Variants in NSUN6 observed in about 807,000 individuals in gnomAD.
NSUN6 encodes tRNA (cytosine(72)-C(5))-methyltransferase NSUN6.
NSUN6 carries 64 observed loss-of-function variants against 58.0 expected under a neutral mutation model. The ratio of observed to expected loss-of-function variants is 1.10; its 90% CI spans 0.90 to 1.36. The LOEUF is 1.36. Among genes scored for constraint, NSUN6 ranks in the 40% most tolerant of loss-of-function variants. NSUN6 has a pLI of 0.00. For synonymous variants in NSUN6, 231 were observed against 193.9 expected (o/e 1.19, Z -1.59); for missense variants, 701 against 550.1 (o/e 1.27, Z -2.74).
chr10:18,649,093 C>T (rs1267116381), intron 1 of NSUN6, among the ~76,000 whole-genome samples: 1 of 151,868 alleles, frequency 6.6e-6, no homozygotes, highest in Admixed American at 6.6e-5. Flanking sequence ...TTTAAAATAC[C>T]AATATTTAAA....
intron 8 of NSUN6, among the ~76,000 whole-genome samples, chr10:18,563,123 G>A (rs920351567): frequency 6.6e-5 from 10 of 151,026 alleles, no homozygotes; most frequent in African/African-American, 2.2e-4. Flanking sequence ...GAGTAGAATA[G>A]AATGGAGATT....
chr10:18,573,515 C>G (rs2056498065), intron 8 of NSUN6, among the ~76,000 whole-genome samples: 1 of 151,920 alleles, frequency 6.6e-6, no homozygotes, highest in Non-Finnish European at 1.5e-5. Flanking sequence ...CCATTCCATT[C>G]CGTTCTCCAT....
At chr10:18,567,266 T>C (rs566700134) in intron 8 of NSUN6, among the ~76,000 whole-genome samples, 3 of 151,582 alleles carry the variant, frequency 2.0e-5, no homozygotes, top group East Asian at 3.9e-4. Flanking sequence ...CTCCATTCTA[T>C]TCCATTCTCC....
chr10:18,623,763 A>T (rs1392952950), intron 3 of NSUN6, among the ~76,000 whole-genome samples: 2 of 152,246 alleles, frequency 1.3e-5, no homozygotes, highest in African/African-American at 4.8e-5. Flanking sequence ...ATCTAAGCAG[A>T]GATTAAATGA....
Position 18,651,256 on chromosome 10 carries a change from G to GCTT in NSUN6, c.-54_-53insAAG, listed in dbSNP as rs1554889363. 2.9e-6 allele frequency: 4 copies of GCTT among 1,360,794 alleles called. No individual in the cohort carries two copies. Among genetic ancestry groups the GCTT allele is most frequent in the Admixed American group, 2.9e-5 (1 of 34,994 alleles). 84.3% of individuals were successfully genotyped at this position (1,360,794 alleles called of 1,614,324 possible). ...GAGAAATGCTGGAAAACGGTGTTTT[G>GCTT]TTTTTTTTTTTCTTTCCGAATTAAT... On this transcript the variant is annotated 5_prime_UTR_variant, in exon 1 of 11. Transcript: ENST00000377304.
At chr10:18,556,391 T>C (rs1180184966) in intron 8 of NSUN6, among the ~76,000 whole-genome samples, 3 of 144,050 alleles carry the variant, frequency 2.1e-5, no homozygotes, top group African/African-American at 5.2e-5. Flanking sequence ...GAATGAAGAA[T>C]GGAAGAAAAC....
chr10:18,626,406 T>C (rs1256176759), intron 3 of NSUN6, among the ~76,000 whole-genome samples: 1 of 151,952 alleles, frequency 6.6e-6, no homozygotes, highest in Non-Finnish European at 1.5e-5. Context: ...AAATACAAAT[T>C]AGCTGGTAAA....
At chr10:18,620,353 C>T (rs1045815856) in intron 3 of NSUN6, among the ~76,000 whole-genome samples, 4 of 152,096 alleles carry the variant, frequency 2.6e-5, no homozygotes, top group Admixed American at 2.6e-4. Context: ...TCCCAAAGTG[C>T]TGGGATTACA....
chr10:18,545,947 AT>A lies in NSUN6; in HGVS notation c.1395del (p.Lys465AsnfsTer14). ...CCATCCCTCTCCTATGTGCTTTTGC[AT>A]TTTACAAATTTTGCAATAAAAAAAC... ...SIGFFIAKFV[K>X]CKST On this transcript the variant is annotated frameshift_variant, in exon 11 of 11. Transcript: ENST00000377304. LOFTEE classifies it high-confidence loss of function. 6.4e-7 allele frequency: 1 copy of A among 1,573,738 alleles called. No individual in the cohort carries two copies. Among genetic ancestry groups the A allele is most frequent in the Non-Finnish European group, 8.6e-7 (1 of 1,160,560 alleles).
At chr10:18,559,079 T>C (rs1174385838) in intron 8 of NSUN6, among the ~76,000 whole-genome samples, 2 of 149,440 alleles carry the variant, frequency 1.3e-5, no homozygotes, top group Non-Finnish European at 3.0e-5. Flanking sequence ...TGGAATGGAA[T>C]GGAGAATGGA....
At chr10:18,611,360 A>G (rs2058228262) in intron 5 of NSUN6, among the ~76,000 whole-genome samples, 1 of 152,118 alleles carries the variant, frequency 6.6e-6, no homozygotes, top group Admixed American at 6.6e-5. Flanking sequence ...TTATGAGTTG[A>G]TCTTGGCAGA....
At chr10:18,589,556 T>G (rs1412271917) in intron 7 of NSUN6, among the ~76,000 whole-genome samples, 5 of 152,232 alleles carry the variant, frequency 3.3e-5, no homozygotes, top group Non-Finnish European at 7.3e-5. Flanking sequence ...TAACAGCAGA[T>G]GTCTCTGCAG....
At chr10:18,553,545 G>A (rs999348483) in intron 8 of NSUN6, among the ~76,000 whole-genome samples, 2 of 151,696 alleles carry the variant, frequency 1.3e-5, no homozygotes, top group South Asian at 4.2e-4. Flanking sequence ...GAATGAAAGG[G>A]AGGATGGAAT....
At chr10:18,655,633 C>G (rs1254023707), upstream of NSUN6, among the ~76,000 whole-genome samples, 3 of 152,084 alleles carry the variant, frequency 2.0e-5, no homozygotes, top group Non-Finnish European at 4.4e-5. Context: ...AGAGGCTCCA[C>G]CCGAAGGAAT....
intron 8 of NSUN6, among the ~76,000 whole-genome samples, chr10:18,558,409 T>G (rs1268938224): frequency 6.9e-6 from 1 of 145,718 alleles, no homozygotes; most frequent in Non-Finnish European, 1.5e-5. Flanking sequence ...TAGAATGAAA[T>G]GGAGAATGGA....
intron 6 of NSUN6, among the ~76,000 whole-genome samples, chr10:18,605,398 G>A (rs1806825666): frequency 6.6e-6 from 1 of 152,078 alleles, no homozygotes; most frequent in South Asian, 2.1e-4. Flanking sequence ...GAAGAAGGGA[G>A]TCCTCTTATA....
chr10:18,642,420 C>A (rs2059416366), intron 3 of NSUN6, 56 bp downstream of exon 3: 1 of 846,920 alleles, frequency 1.2e-6, no homozygotes, highest in Non-Finnish European at 2.0e-6. Flanking sequence ...TAAAAAGCTC[C>A]CTGTGACAAA....
intron 9 of NSUN6, among the ~76,000 whole-genome samples, chr10:18,551,497 T>C (rs2054602735): frequency 2.0e-5 from 3 of 152,224 alleles, no homozygotes; most frequent in African/African-American, 7.2e-5. Flanking sequence ...TTCTTCTTCC[T>C]GTCTCTGTGA....
intron 8 of NSUN6, 41 bp from the exon 9 acceptor site, chr10:18,552,012 A>C (rs201381752): frequency 5.4e-6 from 7 of 1,285,662 alleles, no homozygotes; most frequent in Non-Finnish European, 7.7e-6. Flanking sequence ...TCTTCCATAT[A>C]GGTTTAAACT....
Sources: allele counts gnomAD v4.1 joint callset (sites outside exome capture counted in the v4.1 genomes callset), GRCh38; gene constraint gnomAD v4.1.1; transcripts MANE v1.5; gene names NCBI Gene and HGNC (gene_info 2026-07-23, HGNC 2026-07-21).